The following WDR20 variants were observed in gnomAD, a reference collection of about 807,000 sequenced individuals.
WDR20 encodes the protein WD repeat-containing protein 20.
In WDR20, 3 loss-of-function variants were observed where a neutral mutation model predicts 38.7. The observed-to-expected ratio is 0.08, with a 90% confidence interval of 0.04 to 0.20. The LOEUF is 0.20. Among genes scored for constraint, WDR20 ranks in the 10% least tolerant of loss-of-function variants. WDR20 has a pLI of 1.00. For synonymous variants in WDR20, 298 were observed against 285.6 expected (o/e 1.04, Z -0.44); for missense variants, 559 against 727.7 (o/e 0.77, Z 2.67).
chr14:102,188,021 T>C (rs1566967763), intron 1 of WDR20, among the ~76,000 whole-genome samples: 1 of 152,172 alleles, frequency 6.6e-6, no homozygotes, highest in Non-Finnish European at 1.5e-5. Flanking sequence ...CTCTCTTAGG[T>C]GATTCTCAGG....
At chr14:102,175,899 T>C (rs1431709014) in intron 1 of WDR20, among the ~76,000 whole-genome samples, 1 of 152,234 alleles carries the variant, frequency 6.6e-6, no homozygotes, top group East Asian at 1.9e-4. Flanking sequence ...GTACATTGAT[T>C]TTGTATCCAG....
Position 102,210,039 on chromosome 14 carries a change from A to G in WDR20, c.*159A>G. The G allele has an allele frequency of 1.4e-6, 2 of 1,410,476 alleles. No individual in the cohort carries two copies. The highest frequency in any genetic ancestry group is 1.8e-6 in the Non-Finnish European group (2 of 1,088,928). 87.4% of individuals were successfully genotyped at this position (1,410,476 alleles called of 1,614,324 possible). ...GATACTGCATGCCATGTAATTCTGA[A>G]TCATTTGATAATTTACCTTAGAGCA... On this transcript the variant is annotated 3_prime_UTR_variant, in exon 3 of 3. Transcript: ENST00000342702.
chr14:102,216,986 A>G (rs996511389), downstream of WDR20, among the ~76,000 whole-genome samples: 7 of 152,170 alleles, frequency 4.6e-5, no homozygotes, highest in Non-Finnish European at 7.4e-5. Context: ...GAATTAATGG[A>G]TTCTGAACCC....
chr14:102,210,168 T>C lies in WDR20; in HGVS notation c.*288T>C, dbSNP rs2062270747. ...CTCCTGTATTAGACTATTTCAATTTTAGGAAAATCATGACCATGTGGGGAA... is the reference window on the plus strand; with the variant it reads ...CTCCTGTATTAGACTATTTCAATTTCAGGAAAATCATGACCATGTGGGGAA... On this transcript the variant is annotated 3_prime_UTR_variant, in exon 3 of 3. Coordinates refer to ENST00000342702, the MANE Select transcript of WDR20 (RefSeq NM_144574.4). 9.1e-7 allele frequency: 1 copy of C among 1,093,676 alleles called. No individual in the cohort carries two copies. Among genetic ancestry groups the C allele is most frequent in the African/African-American group, 1.6e-5 (1 of 60,640 alleles). The allele number at this position is 1,093,676 out of a possible 1,614,324, so 67.7% of individuals were successfully genotyped here. A position where few individuals can be genotyped will look rare whatever the true frequency, so the allele number is the denominator to read the frequency against.
chr14:102,167,202 G>C (rs1381449845), intron 1 of WDR20, among the ~76,000 whole-genome samples: 1 of 151,928 alleles, frequency 6.6e-6, no homozygotes, highest in Non-Finnish European at 1.5e-5. Context: ...TTTTGACATA[G>C]ATTCTTCTTC....
rs201857421 is a variant in WDR20 at position 102,222,901 on chromosome 14, G to A, written c.*18G>A. Reference sequence around the variant, plus strand: ...TAGTGTAGCGACCTCACTGCTGCGCGCACAGTCTCCCGGGACTTGGACTCG... The same window carrying A: ...TAGTGTAGCGACCTCACTGCTGCGCACACAGTCTCCCGGGACTTGGACTCG... On this transcript the variant is annotated 3_prime_UTR_variant, in exon 4 of 4. Transcript: ENST00000335263. This position sits in a 1 kb window ranked among gnomAD's most constrained non-coding sequence, Gnocchi z 4.4. 3.0e-4 allele frequency: 486 copies of A among 1,613,952 alleles called. 3 individuals carry two copies. In the South Asian group the frequency reaches 4.8e-3, roughly 16 times the overall value.
intron 2 of WDR20, among the ~76,000 whole-genome samples, chr14:102,200,467 TTGTGTGTG>T (rs71395660): frequency 9.7e-4 from 114 of 117,772 alleles, no homozygotes; most frequent in Admixed American, 7.4e-3. Context: ...ATTTTTTTTT[TTGTGTGTG>T]TGTGTGTGTG....
chr14:102,171,428 T>G (rs978170767), intron 1 of WDR20: 1 of 151,608 alleles, frequency 6.6e-6, no homozygotes, highest in South Asian at 2.1e-4. Flanking sequence ...ACTGTTGGCC[T>G]CTTCTTGTAC....
At chr14:102,169,621 G>A (rs1198206620) in intron 1 of WDR20, among the ~76,000 whole-genome samples, 1 of 151,928 alleles carries the variant, frequency 6.6e-6, no homozygotes, top group Non-Finnish European at 1.5e-5. Context: ...TCTGCCTCCC[G>A]GGTTCAAGTG....
At chr14:102,215,998 T>G (rs1030885796), downstream of WDR20, among the ~76,000 whole-genome samples, 8 of 152,090 alleles carry the variant, frequency 5.3e-5, no homozygotes, top group African/African-American at 1.9e-4. Flanking sequence ...CCCATTTAAT[T>G]GTCACTTCCC....
At position 102,223,038 on chromosome 14, in the gene WDR20, C is replaced by T. The variant is rs187086261; in HGVS notation, c.*155C>T. The T allele has an allele frequency of 3.8e-4, 295 of 775,654 alleles. 1 individual carries two copies. In the African/African-American group the frequency reaches 4.5e-3, roughly 12 times the overall value. The allele number at this position is 775,654 out of a possible 1,614,324, so 48.0% of individuals were successfully genotyped here. On this transcript the variant is annotated 3_prime_UTR_variant, in exon 4 of 4. Transcript: ENST00000335263. The stretch of plus-strand genomic sequence containing the variant: ...GGACGGTGACCGGCTCACTCTGCGG[C>T]GCCGTGCTCCCGCTGCTCACCCAAA...
chr14:102,211,673 C>T (rs1004157506), downstream of WDR20, among the ~76,000 whole-genome samples: 1 of 152,208 alleles, frequency 6.6e-6, no homozygotes, highest in Non-Finnish European at 1.5e-5. This position sits in a 1 kb window ranked among gnomAD's most constrained non-coding sequence, Gnocchi z 4.2. Context: ...CCATGACAGC[C>T]ATCCTTGTGG....
At chr14:102,159,849 C>T (rs2058251268) in intron 1 of WDR20, among the ~76,000 whole-genome samples, 1 of 150,420 alleles carries the variant, frequency 6.6e-6, no homozygotes, top group East Asian at 2.0e-4. Context: ...AAATAAAAAC[C>T]TTGATCCAGT....
At chr14:102,179,348 C>T (rs1057309979) in intron 1 of WDR20, among the ~76,000 whole-genome samples, 1 of 151,028 alleles carries the variant, frequency 6.6e-6, no homozygotes, top group African/African-American at 2.4e-5. Context: ...ATTTTTGTCT[C>T]AGAAATTAAA....
chr14:102,160,220 T>C (rs1157018411), intron 1 of WDR20, among the ~76,000 whole-genome samples: 1 of 152,210 alleles, frequency 6.6e-6, no homozygotes, highest in Non-Finnish European at 1.5e-5. Context: ...CACTGTAGTC[T>C]AGTTTTAGAA....
downstream of WDR20, among the ~76,000 whole-genome samples, chr14:102,218,234 T>C (rs934884450): frequency 6.6e-6 from 1 of 152,230 alleles, no homozygotes; most frequent in Admixed American, 6.5e-5. Context: ...AGAGAGGGTA[T>C]TGAACAGTCC....
intron 1 of WDR20, among the ~76,000 whole-genome samples, chr14:102,162,941 A>G (rs187111401): frequency 6.6e-6 from 1 of 152,270 alleles, no homozygotes; most frequent in East Asian, 1.9e-4. Flanking sequence ...TCCCTTTCAC[A>G]AGCCAAAATT....
chr14:102,173,976 G>A (rs565437214), intron 1 of WDR20, among the ~76,000 whole-genome samples: 10 of 151,448 alleles, frequency 6.6e-5, no homozygotes, highest in African/African-American at 9.7e-5. Flanking sequence ...CCCGGGAGGC[G>A]GAGCTTGCAG....
At position 102,207,176 on chromosome 14, in the gene WDR20, A is replaced by G. The variant is rs955818921; in HGVS notation, c.433-1427A>G. Among the ~76,000 whole-genome samples the G allele has an allele frequency of 1.5e-4, 23 of 152,228 alleles. No homozygotes were observed. Among genetic ancestry groups the G allele is most frequent in the Admixed American group, 6.5e-4 (10 of 15,280 alleles). ...AAGCAGTGACACCTGCTGCTGAGTA[A>G]CTGCCCAATGCATGGTCCCCAGCCC... On this transcript the variant is annotated intron_variant, in intron 2 of 2. Transcript: ENST00000342702. The surrounding 1 kb of genome is among the most constrained non-coding windows in gnomAD (Gnocchi z 5.0).
Sources: allele counts gnomAD v4.1 joint callset (sites outside exome capture counted in the v4.1 genomes callset), GRCh38; gene constraint gnomAD v4.1.1; non-coding constraint Gnocchi (gnomAD v3.1); transcripts MANE v1.5; gene names NCBI Gene and HGNC (gene_info 2026-07-23, HGNC 2026-07-21).